CDH12: variants seen among roughly 807,000 people sequenced by gnomAD.
The protein encoded by CDH12 is cadherin-12.
A neutral mutation model predicts 74.1 loss-of-function variants in CDH12; 41 were observed. The observed-to-expected ratio is 0.55, with a 90% confidence interval of 0.43 to 0.72. The LOEUF (loss-of-function observed/expected upper bound fraction) is 0.72, where lower values mean the gene tolerates loss of function less well. Ranked by LOEUF, CDH12 falls within the 30% of genes least tolerant of loss-of-function variation. CDH12 has a pLI of 0.00. For missense variants in CDH12, 945 were observed against 977.2 expected, an observed-to-expected ratio of 0.97 and a Z score of 0.44; for synonymous variants, 399 against 355.0, an observed-to-expected ratio of 1.12 and a Z score of -1.39.
rs906237779 is a variant in CDH12 at position 22,658,538 on chromosome 5, C to T, written c.-522-153174G>A. ...GAAATCACCTCTATTAGAAGAAGGG[C>T]TTTTATTCTGGAACAAATAAAGAAT... On this transcript the variant is annotated intron_variant, in intron 1 of 14. Transcript: ENST00000382254. Among the ~76,000 whole-genome samples the T allele has an allele frequency of 2.6e-5, 4 of 151,952 alleles. 1 individual carries two copies. The highest frequency in any genetic ancestry group is 4.1e-4 in the South Asian group (2 of 4,822).
At chr5:22,820,290 G>C (rs1749624806) in intron 1 of CDH12, among the ~76,000 whole-genome samples, 1 of 151,994 alleles carries the variant, frequency 6.6e-6, no homozygotes, top group Non-Finnish European at 1.5e-5. Flanking sequence ...ACACCGATAT[G>C]GTTTGGTTTT....
At chr5:22,239,387 C>T (rs759798585) in intron 3 of CDH12, among the ~76,000 whole-genome samples, 2 of 151,654 alleles carry the variant, frequency 1.3e-5, no homozygotes, top group Non-Finnish European at 2.9e-5. Context: ...GGCATGGAGC[C>T]CTGTGGGGAA....
intron 6 of CDH12, among the ~76,000 whole-genome samples, chr5:21,970,558 G>A (rs1052576021): frequency 1.3e-5 from 2 of 151,900 alleles, no homozygotes; most frequent in African/African-American, 4.8e-5. Flanking sequence ...GTCTCTGGTT[G>A]GCTGGGCACT....
At chr5:21,865,815 C>G (rs1024605429) in intron 6 of CDH12, among the ~76,000 whole-genome samples, 4 of 152,148 alleles carry the variant, frequency 2.6e-5, no homozygotes. Flanking sequence ...TCACCCCAGA[C>G]AGCCCCAGCT....
intron 2 of CDH12, among the ~76,000 whole-genome samples, chr5:22,496,336 A>T (rs1747105498): frequency 6.6e-6 from 1 of 152,132 alleles, no homozygotes; most frequent in Admixed American, 6.5e-5. Flanking sequence ...AAAATTAAGA[A>T]TTTTGTTGGA....
rs1398701331 is a variant in CDH12, at chr5:22,495,621, T to C, written c.-428+9649A>G. Reference sequence around the variant, plus strand: ...AAATATATATATGTATGAATGCATATACATATATGCCAGAAATAGATATTC... The same window carrying C: ...AAATATATATATGTATGAATGCATACACATATATGCCAGAAATAGATATTC... On this transcript the variant is annotated intron_variant, in intron 2 of 14. Coordinates refer to ENST00000382254, the MANE Select transcript of CDH12 (RefSeq NM_004061.5). 2.0e-5 allele frequency among the ~76,000 whole-genome samples: 3 copies of C among 152,160 alleles called. No individual in the cohort carries two copies. In the East Asian group the frequency reaches 5.8e-4, roughly 29 times the overall value.
At chr5:22,451,202 G>A (rs1197004886) in intron 2 of CDH12, among the ~76,000 whole-genome samples, 1 of 151,764 alleles carries the variant, frequency 6.6e-6, no homozygotes, top group Non-Finnish European at 1.5e-5. Flanking sequence ...AACAGCACTT[G>A]GTGTATGGTG....
intron 9 of CDH12, 80 bp from the exon 10 acceptor site, chr5:21,802,500 T>A: frequency 3.3e-6 from 4 of 1,215,850 alleles, no homozygotes; most frequent in Non-Finnish European, 4.7e-6. Flanking sequence ...TTCAGAGCAA[T>A]TTGCAAGTTA....
chr5:22,509,741 T>C (rs1561456850), intron 1 of CDH12, among the ~76,000 whole-genome samples: 1 of 152,142 alleles, frequency 6.6e-6, no homozygotes. Context: ...TTCTGTCCAC[T>C]AGTATTGGGA....
At chr5:22,159,811 T>G (rs944710030) in intron 4 of CDH12, among the ~76,000 whole-genome samples, 5 of 152,296 alleles carry the variant, frequency 3.3e-5, no homozygotes, top group African/African-American at 1.2e-4. Flanking sequence ...AGTTTAATAG[T>G]TCATTAACAA....
chr5:22,363,543 T>C (rs919186340), intron 3 of CDH12, among the ~76,000 whole-genome samples: 1 of 152,208 alleles, frequency 6.6e-6, no homozygotes, highest in Non-Finnish European at 1.5e-5. Context: ...TCTCTACTGA[T>C]TGAAACTGTC....
chr5:22,701,383 CCAT>C (rs1259734336), intron 1 of CDH12, among the ~76,000 whole-genome samples: 4 of 151,964 alleles, frequency 2.6e-5, no homozygotes, highest in Non-Finnish European at 5.9e-5. Context: ...ACTGTAAACA[CCAT>C]CATTGAATCC....
intron 1 of CDH12, among the ~76,000 whole-genome samples, chr5:22,587,729 T>G (rs1273078554): frequency 6.6e-6 from 1 of 152,040 alleles, no homozygotes; most frequent in African/African-American, 2.4e-5. Context: ...TCCTCTTTAC[T>G]AACCATTTTC....
At chr5:21,979,610 A>G (rs1169302412) in intron 5 of CDH12, among the ~76,000 whole-genome samples, 1 of 152,156 alleles carries the variant, frequency 6.6e-6, no homozygotes, top group Admixed American at 6.5e-5. Context: ...TGGGTTGAAA[A>G]GTGCACATAA....
chr5:22,847,996 G>C (rs1313554947), intron 1 of CDH12, among the ~76,000 whole-genome samples: 1 of 151,962 alleles, frequency 6.6e-6, no homozygotes, highest in East Asian at 1.9e-4. Context: ...TGATTCTCCT[G>C]CCTCAGCCTC....
chr5:22,207,216 C>CAAA (rs11430414), intron 4 of CDH12, among the ~76,000 whole-genome samples: 17 of 92,328 alleles, frequency 1.8e-4, no homozygotes, highest in African/African-American at 6.5e-4. Context: ...AAGACTGTCT[C>CAAA]AAAAAAAAAA....
chr5:22,214,915 C>G (rs1751743170), intron 3 of CDH12, among the ~76,000 whole-genome samples: 3 of 152,090 alleles, frequency 2.0e-5, no homozygotes. Context: ...TTTTTTTAAC[C>G]TATGTTGGAA....
intron 1 of CDH12, among the ~76,000 whole-genome samples, chr5:22,677,857 G>T (rs1741280627): frequency 6.6e-6 from 1 of 152,046 alleles, no homozygotes; most frequent in Non-Finnish European, 1.5e-5. Flanking sequence ...TGAGATCAGG[G>T]TGCCAACGTG....
chr5:21,800,679 G>T (rs948975385), intron 10 of CDH12, among the ~76,000 whole-genome samples: 1 of 152,128 alleles, frequency 6.6e-6, no homozygotes, highest in African/African-American at 2.4e-5. Flanking sequence ...GTTTGGCTCT[G>T]GGTTCCAATC....
Sources: gnomAD v4.1 joint callset for allele counts (sites outside exome capture counted in the v4.1 genomes callset) on GRCh38, gnomAD v4.1.1 for gene constraint, MANE v1.5 for transcripts, NCBI Gene and HGNC (gene_info 2026-07-23, HGNC 2026-07-21) for gene names.